ZNF417: variants seen among roughly 807,000 people sequenced by gnomAD.
ZNF417 encodes the protein zinc finger protein 417.
Under a neutral mutation model 7.4 loss-of-function variants are expected in ZNF417, and 5 were observed. The ratio of observed to expected loss-of-function variants is 0.68; its 90% CI spans 0.35 to 1.43. The LOEUF (loss-of-function observed/expected upper bound fraction) is 1.43. Among genes scored for constraint, ZNF417 ranks in the 40% most tolerant of loss-of-function variants. The pLI, the probability that ZNF417 is intolerant of heterozygous loss-of-function variation, is 0.04. For synonymous variants in ZNF417, 147 were observed against 239.1 expected (o/e 0.61, Z 3.55); for missense variants, 437 against 697.3 (o/e 0.63, Z 4.20).
At chr19:57,912,007 CAG>C (rs201300339) in intron 2 of ZNF417, 51 bp downstream of exon 2, 18,186 of 1,522,926 alleles carry the variant, frequency 0.012, 134 homozygotes, top group Middle Eastern at 0.024. Flanking sequence ...CAATGAAAAA[CAG>C]GGGAACAGTA....
chr19:57,914,767 A>G (rs2071932390), intron 1 of ZNF417, among the ~76,000 whole-genome samples: 1 of 152,230 alleles, frequency 6.6e-6, no homozygotes, highest in South Asian at 2.1e-4. Context: ...ACAACCTGGT[A>G]GCAAATCCTG....
Position 57,916,399 on chromosome 19 carries a change from C to A in ZNF417, c.13G>T (p.Ala5Ser). The change falls in exon 1 of 3, where the codon GCG becomes TCG. Residue 5 changes from alanine to serine, a missense_variant. Physicochemically the swap from Ala to Ser is moderately conservative, Grantham distance 99. This residue lies in a region of ZNF417 where 57 missense variants were observed against 70.7 expected (regional missense o/e 0.81). Transcript: ENST00000312026. MAAA[A>S]PRRPTQQGTV... ...ATTACCTGAGTCGGGCGCCTCGGCG[C>A]AGCCGCTGCCATCGGACTACTTGGG... The A allele has an allele frequency of 6.2e-7, 1 of 1,614,154 alleles. No homozygotes were observed. Among genetic ancestry groups the A allele is most frequent in the Non-Finnish European group, 8.5e-7 (1 of 1,180,050 alleles).
At chr19:57,915,814 T>G (rs1221417935) in intron 1 of ZNF417, 1 of 415,372 alleles carries the variant, frequency 2.4e-6, no homozygotes, top group Non-Finnish European at 4.2e-6. Context: ...AGTCTGAACC[T>G]CCCCAAGTTG....
Position 57,906,514 on chromosome 19 carries a change from G to C in ZNF417, c.*2036C>G, listed in dbSNP as rs1428861072. Among the ~76,000 whole-genome samples, 2 of 152,024 alleles carry C rather than the reference G, an allele frequency of 1.3e-5. No homozygotes were observed. The highest frequency in any genetic ancestry group is 3.9e-4 in the East Asian group (2 of 5,114). On this transcript the variant is annotated 3_prime_UTR_variant, in exon 3 of 3. Transcript: ENST00000312026. The stretch of plus-strand genomic sequence containing the variant: ...GCCGTGGCAGATGCCTGTAATCCCA[G>C]CACTTTAGGAGGCTGAGGGGGGTGG...
rs764451512 is a variant in ZNF417, at chr19:57,908,960, C to T, written c.1318G>A (p.Glu440Lys). ...TTCCTGTTAAATAATTTCCCACATT[C>T]CCTACAATTGTAAGGTCTTTCCCCA... Reference protein sequence around the residue: ...HTGERPYNCRECGKLFNRKYH... With the variant: ...HTGERPYNCRKCGKLFNRKYH... The change falls in exon 3 of 3, where the codon GAA becomes AAA. Residue 440 changes from glutamate (E) to lysine (K), a missense_variant. By Grantham distance (56) the Glu-to-Lys change is moderately conservative (BLOSUM62 1). Coordinates refer to ENST00000312026, the MANE Select transcript of ZNF417 (RefSeq NM_152475.3). 6.2e-7 allele frequency: 1 copy of T among 1,614,024 alleles called. No homozygotes were observed. The highest frequency in any genetic ancestry group is 1.7e-5 in the Admixed American group (1 of 59,998).
chr19:57,910,861 C>T (rs1246861958), intron 2 of ZNF417, among the ~76,000 whole-genome samples: 2 of 152,060 alleles, frequency 1.3e-5, no homozygotes, highest in Non-Finnish European at 1.5e-5. Context: ...CTGGCTAACA[C>T]GGTGAAACCC....
intron 1 of ZNF417, among the ~76,000 whole-genome samples, chr19:57,916,114 C>T (rs954935294): frequency 1.3e-5 from 2 of 152,278 alleles, no homozygotes; most frequent in East Asian, 1.9e-4. Context: ...AACAGCCTGA[C>T]GGCTCTGCGT....
chr19:57,914,118 T>C (rs1312577471), intron 1 of ZNF417, among the ~76,000 whole-genome samples: 4 of 152,176 alleles, frequency 2.6e-5, no homozygotes, highest in Non-Finnish European at 5.9e-5. Flanking sequence ...GCGTCCATGG[T>C]TACAGCTGCT....
intron 2 of ZNF417, 140 bp from the exon 3 acceptor site, chr19:57,910,254 T>C (rs1349594964): frequency 4.1e-6 from 6 of 1,468,938 alleles, no homozygotes; most frequent in Non-Finnish European, 5.4e-6. Flanking sequence ...AAGTTGAAGA[T>C]GGGGCTGCTG....
rs777526507 is a variant in ZNF417 at position 57,909,576 on chromosome 19, GAA to G, written c.700_701del (p.Phe234HisfsTer2). The G allele has an allele frequency of 2.5e-6, 4 of 1,608,530 alleles. No homozygotes were observed. In the South Asian group the frequency reaches 3.3e-5, roughly 13 times the overall value. On this transcript the variant is annotated frameshift_variant, in exon 3 of 3. Transcript: ENST00000312026. LOFTEE classifies it low-confidence loss of function (END_TRUNC). ...KHSVIPHQKL[F>X]TRDGCYVCSD... ...TGCACACATAACATCCATCTCTAGT[GAA>G]AAGTTTCTGGTGTGGAATAACTGAG... is the stretch of plus-strand genomic sequence containing the variant.
chr19:57,909,716 C>T lies in ZNF417; in HGVS notation c.562G>A (p.Glu188Lys), dbSNP rs758839338. The change falls in exon 3 of 3, where the codon GAA becomes AAA. Residue 188 changes from glutamate (E) to lysine (K), a missense_variant. Transcript: ENST00000312026. ...TCTGTCTTCTCTACAGCAGCTGCTTCTTGGCACAATCCTGAACTGGGCAGA... is the reference window on the plus strand; with the variant it reads ...TCTGTCTTCTCTACAGCAGCTGCTTTTTGGCACAATCCTGAACTGGGCAGA... Reference protein sequence around the residue: ...DVLPSSGLCQEAAAVEKTDSE... With the variant: ...DVLPSSGLCQKAAAVEKTDSE... The T allele has an allele frequency of 1.4e-5, 21 of 1,480,498 alleles. 6 individuals carry two copies. The highest frequency in any genetic ancestry group is 1.8e-5 in the Non-Finnish European group (20 of 1,089,044). 91.7% of individuals were successfully genotyped at this position (1,480,498 alleles called of 1,614,324 possible). A position where few individuals can be genotyped will look rare whatever the true frequency, so the allele number is the denominator to read the frequency against.
Position 57,909,747 on chromosome 19 carries a change from C to T in ZNF417, c.531G>A (p.Lys177=). The change falls in exon 3 of 3, where the codon AAG becomes AAA. Residue 177 remains lysine, a synonymous_variant. Transcript: ENST00000312026. ...QEPFVFREFG[K]DVLPSSGLCQ... ...ACAATCCTGAACTGGGCAGAACGTC[C>T]TTCCCAAACTCGCGGAAGACAAATG... The T allele has an allele frequency of 2.7e-6, 4 of 1,496,446 alleles. 1 individual carries two copies. Among genetic ancestry groups the T allele is most frequent in the Non-Finnish European group, 3.6e-6 (4 of 1,103,098 alleles). The allele number at this position is 1,496,446 out of a possible 1,614,324, so 92.7% of individuals were successfully genotyped here. A position where few individuals can be genotyped will look rare whatever the true frequency, so the allele number is the denominator to read the frequency against.
chr19:57,914,779 G>A (rs2071932520), intron 1 of ZNF417, among the ~76,000 whole-genome samples: 2 of 152,162 alleles, frequency 1.3e-5, no homozygotes, highest in Admixed American at 1.3e-4. Context: ...CAAATCCTGG[G>A]TTAATCTTAC....
In ZNF417 at chr19:57,909,389, G is replaced by C. The variant is rs777315843; in HGVS notation, c.889C>G (p.Pro297Ala). 1 of 1,614,064 alleles carries C rather than the reference G, an allele frequency of 6.2e-7. No individual in the cohort carries two copies. ...QRVHTGKTAY[P>A]CEECGKSFSQ... is the part of the protein sequence containing the mutation. Reference sequence around the variant, plus strand: ...AAAGATTTCCCGCACTCCTCACAGGGATAAGCTGTCTTTCCAGTGTGGACT... The same window carrying C: ...AAAGATTTCCCGCACTCCTCACAGGCATAAGCTGTCTTTCCAGTGTGGACT... Residue 297 changes from proline to alanine, a missense_variant, in exon 3 of 3, where the codon CCC (proline) becomes GCC (alanine). Physicochemically the swap from Pro to Ala is conservative, Grantham distance 27 (BLOSUM62 -1). Transcript: ENST00000312026.
In ZNF417 at chr19:57,916,497, T is replaced by G; in HGVS notation, c.-86A>C. 1 of 1,607,694 alleles carries G rather than the reference T, an allele frequency of 6.2e-7. No homozygotes were observed. Among genetic ancestry groups the G allele is most frequent in the Non-Finnish European group, 8.5e-7 (1 of 1,177,274 alleles). On this transcript the variant is annotated 5_prime_UTR_variant, in exon 1 of 3. Transcript: ENST00000312026. ...GCCTCTGGGCACCGAGGACGATTCC[T>G]CTCCACCTTCTAGGTTCAGTCACCG... is the stretch of plus-strand genomic sequence containing the variant.
rs1257391135 is a variant in ZNF417, at chr19:57,906,490, C to T, written c.*2060G>A. 6.6e-6 allele frequency among the ~76,000 whole-genome samples: 1 copy of T among 151,886 alleles called. No individual in the cohort carries two copies. Among genetic ancestry groups the T allele is most frequent in the South Asian group, 2.1e-4 (1 of 4,814 alleles). On this transcript the variant is annotated 3_prime_UTR_variant, in exon 3 of 3. Transcript: ENST00000312026. ...AGGATTTCTAGGGATAAGCCGAGTGCCGTGGCAGATGCCTGTAATCCCAGC... is the reference window on the plus strand; with the variant it reads ...AGGATTTCTAGGGATAAGCCGAGTGTCGTGGCAGATGCCTGTAATCCCAGC...
intron 1 of ZNF417, among the ~76,000 whole-genome samples, chr19:57,915,898 G>C (rs1220752490): frequency 2.0e-5 from 3 of 152,106 alleles, no homozygotes; most frequent in Non-Finnish European, 4.4e-5. Context: ...GCACTGGATG[G>C]ATCAGCTGAC....
intron 1 of ZNF417, among the ~76,000 whole-genome samples, chr19:57,915,995 A>G (rs2071943945): frequency 6.6e-6 from 1 of 152,190 alleles, no homozygotes; most frequent in Non-Finnish European, 1.5e-5. Flanking sequence ...TTAACCCTCT[A>G]TGAATCCATC....
At position 57,909,055 on chromosome 19, in the gene ZNF417, T is replaced by C. The variant is rs910793442; in HGVS notation, c.1223A>G (p.Tyr408Cys). 12 of 1,614,212 alleles carry C rather than the reference T, an allele frequency of 7.4e-6. No homozygotes were observed. The highest frequency in any genetic ancestry group is 9.3e-6 in the Non-Finnish European group (11 of 1,180,028). Residue 408 changes from tyrosine (Y) to cysteine (C), a missense_variant, in exon 3 of 3, where the codon TAT becomes TGT. Physicochemically the swap from Tyr to Cys is radical, Grantham distance 194. Transcript: ENST00000312026. ...HQRGHTGERP[Y>C]ECKECGKSFR... ...TGATTTCCCACATTCCTTGCACTCA[T>C]AGGGCCTTTCTCCAGTATGACCTCG...
Sources: gnomAD v4.1 joint callset for allele counts (sites outside exome capture counted in the v4.1 genomes callset) on GRCh38, gnomAD v4.1.1 for gene constraint, gnomAD v4.1.1 regional missense constraint, MANE v1.5 for transcripts, NCBI Gene and HGNC (gene_info 2026-07-23, HGNC 2026-07-21) for gene names.